AGAP1: variants seen among roughly 807,000 people sequenced by gnomAD.
AGAP1 encodes ArfGAP with GTPase domain, ankyrin repeat and PH domain 1.
AGAP1 carries 29 observed loss-of-function variants against 105.3 expected under a neutral mutation model. The ratio of observed to expected loss-of-function variants is 0.28; its 90% confidence interval spans 0.21 to 0.38. AGAP1 has a LOEUF of 0.38. Among genes scored for constraint, AGAP1 ranks in the 10% least tolerant of loss-of-function variants. AGAP1 has a pLI of 1.00. For missense variants in AGAP1, 998 were observed against 1,165.1 expected (o/e 0.86, Z 2.09); for synonymous variants, 509 against 485.9 (o/e 1.05, Z -0.63).
In AGAP1 at chr2:236,027,402, G is replaced by A. The variant is rs533771751; in HGVS notation, c.1646-9159G>A. Among the ~76,000 whole-genome samples, 1 of 152,186 alleles carries A rather than the reference G, an allele frequency of 6.6e-6. No individual in the cohort carries two copies. Among genetic ancestry groups the A allele is most frequent in the African/African-American group, 2.4e-5 (1 of 41,514 alleles). The stretch of plus-strand genomic sequence containing the variant: ...CTCAGGAAGCAAGGTCCAGCTGCTC[G>A]GACCCTTGTCGTAAATTTCAGGGCC... On this transcript the variant is annotated intron_variant, in intron 13 of 17. Coordinates refer to ENST00000304032, the MANE Select transcript of AGAP1 (RefSeq NM_001037131.3). The surrounding 1 kb of genome is among the most constrained non-coding windows in gnomAD (Gnocchi z 4.4).
chr2:236,117,627 T>C (rs3754646), intron 16 of AGAP1, among the ~76,000 whole-genome samples: 43,854 of 152,120 alleles, frequency 0.29, 7,141 homozygotes, highest in South Asian at 0.42. Context: ...ATCAAATAGT[T>C]GTGGGATTTT....
rs77474545 is a variant in AGAP1 at position 235,758,390 on chromosome 2, A to G, written c.673+7902A>G. ...AGGCCCAGTTTACAGCTGGGACTAC[A>G]TTGTTGGAAATGCTGCCTTCCCAGA... is the stretch of plus-strand genomic sequence containing the variant. On this transcript the variant is annotated intron_variant, in intron 6 of 17. Transcript: ENST00000304032. 7.2e-3 allele frequency among the ~76,000 whole-genome samples: 1,098 copies of G among 152,242 alleles called. 6 individuals are homozygous for G. The highest frequency in any genetic ancestry group is 0.024 in the African/African-American group (978 of 41,548).
intron 1 of AGAP1, among the ~76,000 whole-genome samples, chr2:235,654,037 CAGAGTG>C (rs1194196698): frequency 5.9e-5 from 9 of 152,214 alleles, no homozygotes; most frequent in South Asian, 2.1e-4. Context: ...GCCTGGGTGA[CAGAGTG>C]AGAGTCCGTC....
intron 12 of AGAP1, among the ~76,000 whole-genome samples, chr2:235,939,584 T>TGTCCC (rs1553684515): frequency 6.6e-6 from 1 of 151,326 alleles, no homozygotes; most frequent in Non-Finnish European, 1.5e-5. Flanking sequence ...TCGTCTGTCC[T>TGTCCC]CAGCTACCAC....
chr2:235,917,892 C>T (rs775832644), intron 11 of AGAP1, among the ~76,000 whole-genome samples: 1 of 152,056 alleles, frequency 6.6e-6, no homozygotes. Flanking sequence ...ACTGCAGACG[C>T]GGAGTCGCGA....
At chr2:235,810,673 A>G (rs985427312) in intron 9 of AGAP1, among the ~76,000 whole-genome samples, 13 of 152,168 alleles carry the variant, frequency 8.5e-5, no homozygotes, top group Non-Finnish European at 1.9e-4. Context: ...ATGATGGTCA[A>G]TGACGTTGTC....
At chr2:235,818,156 T>C (rs1286172198) in intron 9 of AGAP1, among the ~76,000 whole-genome samples, 2 of 152,236 alleles carry the variant, frequency 1.3e-5, no homozygotes, top group Non-Finnish European at 2.9e-5. Context: ...GTAATAAGAA[T>C]GCTGGCAGTT....
rs72183486 is a variant in AGAP1, at chr2:235,962,046, GGTTTT to G, written c.1484-6381_1484-6377del. On this transcript the variant is annotated intron_variant, in intron 12 of 17. Transcript: ENST00000304032. The surrounding 1 kb of genome is among the most constrained non-coding windows in gnomAD (Gnocchi z 5.3). Reference sequence around the variant, plus strand: ...CTTCTGATGGATGCTTTTGGTTTTTGGTTTTGTTTTGTTTTGTTTTGTTTTGTTTT... The same window carrying G: ...CTTCTGATGGATGCTTTTGGTTTTTGGTTTTGTTTTGTTTTGTTTTGTTTT... Among the ~76,000 whole-genome samples the G allele has an allele frequency of 0.014, 2,056 of 150,632 alleles. 39 individuals carry two copies. The highest frequency in any genetic ancestry group is 0.082 in the East Asian group (420 of 5,146).
rs981612135 is a variant in AGAP1, at chr2:235,773,652, C to T, written c.673+23164C>T. On this transcript the variant is annotated intron_variant, in intron 6 of 17. Coordinates refer to ENST00000304032, the MANE Select transcript of AGAP1 (RefSeq NM_001037131.3). ...CTGTTCTACTACCTCACTATAGATTCTGATCCTTTTAAATAATAGCGCCAG... is the reference window on the plus strand; with the variant it reads ...CTGTTCTACTACCTCACTATAGATTTTGATCCTTTTAAATAATAGCGCCAG... 2.6e-5 allele frequency among the ~76,000 whole-genome samples: 4 copies of T among 152,316 alleles called. No individual in the cohort carries two copies. The East Asian group carries it at 5.8e-4, about 22-fold the overall frequency.
intron 9 of AGAP1, among the ~76,000 whole-genome samples, chr2:235,827,194 G>T (rs192151275): frequency 1.5e-4 from 23 of 152,300 alleles, no homozygotes; most frequent in African/African-American, 5.3e-4. Flanking sequence ...CTTCATACAT[G>T]CATCACGTGT....
chr2:236,060,234 A>G (rs2058154512), intron 16 of AGAP1, among the ~76,000 whole-genome samples: 1 of 152,272 alleles, frequency 6.6e-6, no homozygotes, highest in Non-Finnish European at 1.5e-5. Flanking sequence ...TATGATACCT[A>G]AAGTGCAAGC....
chr2:236,108,021 G>T (rs538421308), intron 16 of AGAP1, among the ~76,000 whole-genome samples: 2 of 152,334 alleles, frequency 1.3e-5, no homozygotes, highest in South Asian at 2.1e-4. Context: ...ATAAATCCTT[G>T]TCCACTGCCT....
chr2:235,742,650 A>G lies in AGAP1; in HGVS notation c.396+1602A>G, dbSNP rs375114347. Among the ~76,000 whole-genome samples the G allele has an allele frequency of 2.7e-4, 41 of 152,348 alleles. No individual in the cohort carries two copies. The South Asian group carries it at 7.9e-3, about 29-fold the overall frequency. On this transcript the variant is annotated intron_variant, in intron 4 of 17. Transcript: ENST00000304032. ...TCTTTCTTAGTCCCACTGAATGTAT[A>G]GGACCGTGTTTGTTCTGCTACAAAG...
rs1046153877 is a variant in AGAP1, at chr2:235,599,306, G to A, written c.163+104457G>A. ...TACACTGTGTGTTGGGGGGGTGGCA[G>A]TGTGCTTTCTTCCTGCCCCAATTTT... On this transcript the variant is annotated intron_variant, in intron 1 of 17. Transcript: ENST00000304032. The surrounding 1 kb of genome is among the most constrained non-coding windows in gnomAD (Gnocchi z 5.3). Among the ~76,000 whole-genome samples, 3 of 152,132 alleles carry A rather than the reference G, an allele frequency of 2.0e-5. No homozygotes were observed. The highest frequency in any genetic ancestry group is 4.4e-5 in the Non-Finnish European group (3 of 68,028).
At chr2:235,871,486 C>T (rs999208712) in intron 9 of AGAP1, among the ~76,000 whole-genome samples, 51 of 152,180 alleles carry the variant, frequency 3.4e-4, no homozygotes, top group South Asian at 4.1e-4. Flanking sequence ...CCATTTCCAT[C>T]CTAAGGTAGC....
At chr2:235,857,341 C>T (rs1473185968) in intron 9 of AGAP1, among the ~76,000 whole-genome samples, 1 of 152,144 alleles carries the variant, frequency 6.6e-6, no homozygotes, top group African/African-American at 2.4e-5. Context: ...ACCATCCCTC[C>T]TCCCTATCCG....
intron 13 of AGAP1, among the ~76,000 whole-genome samples, chr2:236,016,019 G>A (rs181567067): frequency 5.5e-5 from 8 of 144,622 alleles, no homozygotes; most frequent in African/African-American, 2.1e-4. Context: ...GCCGCTGAAC[G>A]CCCTGCTCTC....
At chr2:235,516,002 G>C (rs1190321378) in intron 1 of AGAP1, among the ~76,000 whole-genome samples, 2 of 151,954 alleles carry the variant, frequency 1.3e-5, no homozygotes, top group Non-Finnish European at 2.9e-5. Flanking sequence ...GTGACAGGTG[G>C]CTGGGTGCCT....
chr2:235,859,356 C>T (rs903536067), intron 9 of AGAP1, among the ~76,000 whole-genome samples: 3 of 150,358 alleles, frequency 2.0e-5, no homozygotes, highest in Non-Finnish European at 4.4e-5. Flanking sequence ...CCGGTGAGAA[C>T]CCCCATCCTG....
Sources: gnomAD v4.1 joint callset for allele counts (sites outside exome capture counted in the v4.1 genomes callset) on GRCh38, gnomAD v4.1.1 for gene constraint, Gnocchi (gnomAD v3.1) non-coding constraint, MANE v1.5 for transcripts, NCBI Gene and HGNC (gene_info 2026-07-23, HGNC 2026-07-21) for gene names.